FGF12: variants seen among roughly 807,000 people sequenced by gnomAD.
FGF12 encodes fibroblast growth factor 12B.
FGF12 carries 14 observed loss-of-function variants against 23.6 expected under a neutral mutation model. The observed-to-expected ratio is 0.59, with a 90% confidence interval of 0.39 to 0.93. The LOEUF is 0.93. Among genes scored for constraint, FGF12 ranks in the 40% least tolerant of loss-of-function variants. The probability of loss-of-function intolerance (pLI) is 0.00; values close to 1 mark genes in which losing one functional copy is unlikely to be tolerated. For missense variants in FGF12, 175 were observed against 217.8 expected (o/e 0.80, Z 1.24); for synonymous variants, 62 against 77.3 (o/e 0.80, Z 1.04).
chr3:192,566,204 G>T (rs572736688), intron 2 of FGF12, among the ~76,000 whole-genome samples: 1 of 152,178 alleles, frequency 6.6e-6, no homozygotes, highest in Non-Finnish European at 1.5e-5. Context: ...TTACCAAATC[G>T]CTCTACTAGT....
At chr3:192,429,106 G>C (rs1235186150) in intron 2 of FGF12, among the ~76,000 whole-genome samples, 8 of 152,042 alleles carry the variant, frequency 5.3e-5, no homozygotes, top group Non-Finnish European at 7.4e-5. Flanking sequence ...CTGAAAAAAA[G>C]AGTACTTCAC....
At chr3:192,208,636 G>A (rs183578103) in intron 4 of FGF12, among the ~76,000 whole-genome samples, 77 of 151,902 alleles carry the variant, frequency 5.1e-4, no homozygotes, top group African/African-American at 1.8e-3. Context: ...TAATATCAAC[G>A]GAGTCACTTC....
chr3:192,677,447 A>G (rs1175009257), intron 2 of FGF12, among the ~76,000 whole-genome samples: 1 of 152,212 alleles, frequency 6.6e-6, no homozygotes, highest in Non-Finnish European at 1.5e-5. Flanking sequence ...AGCGTTTTAT[A>G]CATACACAGG....
At chr3:192,204,804 T>C (rs1184940809) in intron 4 of FGF12, among the ~76,000 whole-genome samples, 1 of 152,082 alleles carries the variant, frequency 6.6e-6, no homozygotes, top group East Asian at 1.9e-4. Flanking sequence ...GAGAATTTCC[T>C]GAACCTGGGA....
intron 2 of FGF12, among the ~76,000 whole-genome samples, chr3:192,591,022 G>T (rs1471248642): frequency 6.6e-6 from 1 of 151,182 alleles, no homozygotes. Flanking sequence ...AAGGGGCCTT[G>T]CCTTCCTCAG....
At chr3:192,393,435 C>A (rs543185018) in intron 2 of FGF12, among the ~76,000 whole-genome samples, 3 of 152,170 alleles carry the variant, frequency 2.0e-5, no homozygotes, top group Non-Finnish European at 4.4e-5. Flanking sequence ...CTCTAACTGA[C>A]TGTTATGACA....
chr3:192,462,661 T>C (rs930036220), intron 2 of FGF12, among the ~76,000 whole-genome samples: 1 of 152,188 alleles, frequency 6.6e-6, no homozygotes, highest in Non-Finnish European at 1.5e-5. Context: ...AACTCTCAGA[T>C]AGTTAAGAAG....
chr3:192,620,387 A>G (rs868778306), intron 2 of FGF12, among the ~76,000 whole-genome samples: 23 of 152,114 alleles, frequency 1.5e-4, no homozygotes, highest in African/African-American at 5.6e-4. Context: ...AAAGGCTTCC[A>G]GGGCCCATAT....
At chr3:192,485,650 T>C (rs990322531) in intron 2 of FGF12, among the ~76,000 whole-genome samples, 7 of 152,166 alleles carry the variant, frequency 4.6e-5, no homozygotes, top group East Asian at 3.9e-4. Flanking sequence ...TTTAGCATTT[T>C]AGGATTTCTA....
chr3:192,332,186 T>C (rs1474014476), intron 4 of FGF12, among the ~76,000 whole-genome samples: 1 of 152,112 alleles, frequency 6.6e-6, no homozygotes, highest in African/African-American at 2.4e-5. Context: ...AAGGTTGTGA[T>C]ATTTACTAGC....
intron 4 of FGF12, among the ~76,000 whole-genome samples, chr3:192,197,367 T>C (rs577201947): frequency 1.2e-4 from 18 of 152,354 alleles, no homozygotes; most frequent in African/African-American, 4.3e-4. Context: ...GGTTTTTATA[T>C]TGGGGATAAA....
chr3:192,640,819 GTTTGTT>G (rs1246882214), intron 2 of FGF12, among the ~76,000 whole-genome samples: 2 of 151,602 alleles, frequency 1.3e-5, no homozygotes, highest in Admixed American at 6.6e-5. Context: ...TTGTTTGTTT[GTTTGTT>G]TGTGTGAGAC....
At chr3:192,513,029 G>A (rs1577029141) in intron 2 of FGF12, among the ~76,000 whole-genome samples, 1 of 151,254 alleles carries the variant, frequency 6.6e-6, no homozygotes, top group East Asian at 1.9e-4. Flanking sequence ...TCGCTATTTA[G>A]GAAACTGACT....
chr3:192,287,095 A>G (rs1380209472), intron 4 of FGF12, among the ~76,000 whole-genome samples: 4 of 152,086 alleles, frequency 2.6e-5, no homozygotes, highest in Non-Finnish European at 5.9e-5. Context: ...ATAGCATTTG[A>G]CTATACTAAC....
chr3:192,652,743 G>C (rs9815063), intron 2 of FGF12, among the ~76,000 whole-genome samples: 4 of 151,966 alleles, frequency 2.6e-5, no homozygotes, highest in African/African-American at 7.3e-5. Flanking sequence ...ACTCAAATTT[G>C]AGAATCACTG....
intron 2 of FGF12, among the ~76,000 whole-genome samples, chr3:192,492,198 A>G (rs1577015966): frequency 6.6e-6 from 1 of 152,224 alleles, no homozygotes; most frequent in East Asian, 1.9e-4. Context: ...AATACTTAAG[A>G]AGGAATGAAA....
chr3:192,337,817 C>T (rs1189590509), intron 3 of FGF12, among the ~76,000 whole-genome samples: 3 of 152,124 alleles, frequency 2.0e-5, no homozygotes, highest in Non-Finnish European at 4.4e-5. Flanking sequence ...ATAAAGTTAC[C>T]ATAAGACTAT....
At chr3:192,718,459 C>T (rs1301215590) in intron 2 of FGF12, among the ~76,000 whole-genome samples, 1 of 152,122 alleles carries the variant, frequency 6.6e-6, no homozygotes, top group African/African-American at 2.4e-5. Flanking sequence ...TTCACAAATG[C>T]TGGTTCTTTC....
intron 2 of FGF12, among the ~76,000 whole-genome samples, chr3:192,393,877 T>A (rs1168591665): frequency 2.0e-5 from 3 of 152,098 alleles, no homozygotes; most frequent in East Asian, 1.9e-4. Flanking sequence ...TAAAAAAAAA[T>A]TTCATAATTG....
Sources: gnomAD v4.1 joint callset for allele counts (sites outside exome capture counted in the v4.1 genomes callset) on GRCh38, gnomAD v4.1.1 for gene constraint, MANE v1.5 for transcripts, NCBI Gene and HGNC (gene_info 2026-07-23, HGNC 2026-07-21) for gene names.